TLE2: variants seen among roughly 807,000 people sequenced by gnomAD.
TLE2 encodes transducin-like enhancer protein 2.
In TLE2, 74 loss-of-function variants were observed where a neutral mutation model predicts 97.2. That is an observed-to-expected ratio of 0.76 (90% CI 0.63 to 0.92). The LOEUF is 0.92. Among genes scored for constraint, TLE2 ranks in the 40% least tolerant of loss-of-function variants. TLE2 has a pLI of 0.00. For missense variants in TLE2, 1,038 were observed against 1,008.7 expected (o/e 1.03, Z -0.39); for synonymous variants, 499 against 432.1 (o/e 1.15, Z -1.92).
chr19:3,041,111 C>T (rs2090100460), intron 1 of TLE2, among the ~76,000 whole-genome samples: 1 of 143,498 alleles, frequency 7.0e-6, no homozygotes, highest in Admixed American at 7.2e-5. Context: ...ACTGCAACCT[C>T]CACCTCCCAG....
chr19:3,003,508 G>T (rs1489173067), intron 17 of TLE2, among the ~76,000 whole-genome samples: 1 of 152,028 alleles, frequency 6.6e-6, no homozygotes, highest in Non-Finnish European at 1.5e-5. Context: ...CGTGGCTGCA[G>T]GCACCTGTAA....
In TLE2 at chr19:3,019,486, G is replaced by C. The variant is rs2089792923; in HGVS notation, c.370-23C>G. The C allele has an allele frequency of 1.3e-6, 2 of 1,495,100 alleles. No homozygotes were observed. The highest frequency in any genetic ancestry group is 1.8e-6 in the Non-Finnish European group (2 of 1,126,106). 92.6% of individuals were successfully genotyped at this position (1,495,100 alleles called of 1,614,324 possible). A position where few individuals can be genotyped will look rare whatever the true frequency, so the allele number is the denominator to read the frequency against. On this transcript the variant is annotated intron_variant, in intron 6 of 19. Transcript: ENST00000262953. This position sits in a 1 kb window ranked among gnomAD's most constrained non-coding sequence, Gnocchi z 5.1. ...CTGCTGCTAGAAAGGAGGCAGGATG[G>C]GCCGGGGCGGGGGGCGGCAGGAGCC...
intron 1 of TLE2, among the ~76,000 whole-genome samples, chr19:3,034,805 C>T (rs2090050553): frequency 6.6e-6 from 1 of 152,066 alleles, no homozygotes; most frequent in African/African-American, 2.4e-5. Context: ...TAGAGAAGAT[C>T]CAGCCCTAGG....
chr19:3,022,356 C>T (rs4806894), intron 5 of TLE2, among the ~76,000 whole-genome samples: 1 of 151,612 alleles, frequency 6.6e-6, no homozygotes, highest in African/African-American at 2.4e-5. Flanking sequence ...ACCACCCCCC[C>T]ACCCCATCTA....
chr19:3,044,577 G>T (rs542627994), intron 1 of TLE2, among the ~76,000 whole-genome samples: 2 of 152,114 alleles, frequency 1.3e-5, no homozygotes, highest in Non-Finnish European at 2.9e-5. Flanking sequence ...GCGCCACCAC[G>T]CCCGGCTAAT....
Position 3,009,582 on chromosome 19 carries a change from G to A in TLE2, c.1133C>T (p.Pro378Leu), listed in dbSNP as rs1161117662. The A allele has an allele frequency of 6.2e-7, 1 of 1,613,466 alleles. No homozygotes were observed. The change falls in exon 13 of 20, where the codon CCC (proline) becomes CTC (leucine). Residue 378 changes from proline to leucine, a missense_variant. Transcript: ENST00000262953. Reference protein sequence around the residue: ...PSSYVSLHLSPQVSSSVVYGR... With the variant: ...PSSYVSLHLSLQVSSSVVYGR... ...GTACACCACAGAGCTGCTGACCTGG[G>A]GGGACAGGTGGAGGCTGACGTAGGA...
chr19:3,019,962 G>T lies in TLE2; in HGVS notation c.295-189C>A. The T allele has an allele frequency of 1.3e-6, 1 of 779,886 alleles. No individual in the cohort carries two copies. The highest frequency in any genetic ancestry group is 2.0e-6 in the Non-Finnish European group (1 of 498,476). 48.3% of individuals were successfully genotyped at this position (779,886 alleles called of 1,614,324 possible). A position where few individuals can be genotyped will look rare whatever the true frequency, so the allele number is the denominator to read the frequency against. ...ATTTTGAAATAAGCACACGGAGAAA[G>T]AAACCAAACCTAAGTGCAGGTAGAA... is the stretch of plus-strand genomic sequence containing the variant. On this transcript the variant is annotated intron_variant, in intron 5 of 19. Transcript: ENST00000262953. The surrounding 1 kb of genome is among the most constrained non-coding windows in gnomAD (Gnocchi z 5.1).
At chr19:2,999,315 G>A (rs545748188) in intron 19 of TLE2, among the ~76,000 whole-genome samples, 11 of 151,788 alleles carry the variant, frequency 7.2e-5, no homozygotes, top group South Asian at 4.2e-4. Flanking sequence ...CAACCAGGAC[G>A]GGCATATTAA....
At position 3,009,776 on chromosome 19, in the gene TLE2, C is replaced by T. The variant is rs535494443; in HGVS notation, c.1013-74G>A. 4 of 1,519,160 alleles carry T rather than the reference C, an allele frequency of 2.6e-6. No individual in the cohort carries two copies. The East Asian group carries it at 7.4e-5, about 28-fold the overall frequency. The allele number at this position is 1,519,160 out of a possible 1,614,324, so 94.1% of individuals were successfully genotyped here. On this transcript the variant is annotated intron_variant, in intron 12 of 19. Transcript: ENST00000262953. ...CCGCCTCCCACTGCCTTGGGAGCTC[C>T]CTGGCCTTTCATTTAGAGTTTCCAT...
At position 3,043,889 on chromosome 19, in the gene TLE2, CAGG is replaced by C. The variant is rs770137960; in HGVS notation, c.63+1834_63+1836del. ...ATCCCAGTTACTCGGGAGGCTGAGG[CAGG>C]AGAATTGCTTGAACCCAGGGGGCAG... On this transcript the variant is annotated intron_variant, in intron 1 of 18. Transcript: ENST00000426948. Among the ~76,000 whole-genome samples, 14 of 152,218 alleles carry C rather than the reference CAGG, an allele frequency of 9.2e-5. 2 individuals carry two copies. The South Asian group carries it at 2.9e-3, about 32-fold the overall frequency.
chr19:3,013,155 C>G (rs1161847299), intron 11 of TLE2, among the ~76,000 whole-genome samples: 2 of 152,120 alleles, frequency 1.3e-5, no homozygotes, highest in East Asian at 3.9e-4. Context: ...GCAAAAGGAG[C>G]TGAATTTCTA....
rs908755681 is a variant in TLE2, at chr19:3,023,910, AAGAAAAG to A, written c.294+1103_294+1109del. On this transcript the variant is annotated intron_variant, in intron 5 of 19. Transcript: ENST00000262953. ...CCATCACACACACACACACACACAA[AAGAAAAG>A]AAAAAGAAAAAAGAAACAGGGACTG... Among the ~76,000 whole-genome samples, 93 of 104,050 alleles carry A rather than the reference AAGAAAAG, an allele frequency of 8.9e-4. 1 individual carries two copies. Among genetic ancestry groups the A allele is most frequent in the African/African-American group, 3.9e-3 (78 of 20,052 alleles). 68.3% of individuals were successfully genotyped at this position (104,050 alleles called of 152,430 possible).
chr19:3,015,517 C>T lies in TLE2; in HGVS notation c.678+136G>A, dbSNP rs534704047. Reference sequence around the variant, plus strand: ...CAGGATCTCCTCTGATTGGTCAGTACTCTGAGTAGTAGGGAGCTATGGGAG... The same window carrying T: ...CAGGATCTCCTCTGATTGGTCAGTATTCTGAGTAGTAGGGAGCTATGGGAG... On this transcript the variant is annotated intron_variant, in intron 9 of 19. Coordinates refer to ENST00000262953, the MANE Select transcript of TLE2 (RefSeq NM_003260.5). 86 of 669,986 alleles carry T rather than the reference C, an allele frequency of 1.3e-4. No individual in the cohort carries two copies. In the South Asian group the frequency reaches 1.4e-3, roughly 11 times the overall value. The allele number at this position is 669,986 out of a possible 1,614,324, so 41.5% of individuals were successfully genotyped here.
chr19:3,040,819 T>C (rs1489363029), intron 1 of TLE2, among the ~76,000 whole-genome samples: 1 of 150,674 alleles, frequency 6.6e-6, no homozygotes, highest in Non-Finnish European at 1.5e-5. Flanking sequence ...TTAGATTTTG[T>C]AGAGATGGGG....
Position 3,015,721 on chromosome 19 carries a change from C to A in TLE2, c.610G>T (p.Glu204Ter). The A allele has an allele frequency of 6.2e-7, 1 of 1,611,388 alleles. No homozygotes were observed. The highest frequency in any genetic ancestry group is 8.5e-7 in the Non-Finnish European group (1 of 1,179,322). The part of the protein sequence containing the change: ...PSPPESLVEE[E>*]RPSGPGGGGK... ...CCACCACCAGGGCCACTCGGTCGCT[C>A]CTCCTCCACGAGACTCTCAGGGGGC... Residue 204 changes from glutamate (E) to a stop codon, truncating the protein, a stop_gained, in exon 9 of 20, where the codon GAG (glutamate) becomes TAG (stop). Transcript: ENST00000262953. LOFTEE classifies it high-confidence loss of function.
intron 1 of TLE2, among the ~76,000 whole-genome samples, chr19:3,042,242 A>T (rs1310310155): frequency 1.0e-5 from 1 of 95,992 alleles, no homozygotes; most frequent in East Asian, 3.8e-4. Flanking sequence ...AGGAGGGGAG[A>T]GGAGGAGGCC....
chr19:3,019,215 C>G lies in TLE2; in HGVS notation c.550+68G>C. On this transcript the variant is annotated intron_variant, in intron 7 of 19. Transcript: ENST00000262953. The surrounding 1 kb of genome is among the most constrained non-coding windows in gnomAD (Gnocchi z 5.1). ...ATCCCCTCACGCTGATGTTTGCTACCCTGGACTGCCAGTCGTCCTCCCCAG... is the reference window on the plus strand; with the variant it reads ...ATCCCCTCACGCTGATGTTTGCTACGCTGGACTGCCAGTCGTCCTCCCCAG... 6.5e-7 allele frequency: 1 copy of G among 1,529,320 alleles called. No individual in the cohort carries two copies. Among genetic ancestry groups the G allele is most frequent in the Non-Finnish European group, 8.7e-7 (1 of 1,142,970 alleles). The allele number at this position is 1,529,320 out of a possible 1,614,324, so 94.7% of individuals were successfully genotyped here.
upstream of TLE2, among the ~76,000 whole-genome samples, chr19:3,031,371 T>C (rs1349894534): frequency 8.6e-6 from 1 of 116,394 alleles, no homozygotes; most frequent in Non-Finnish European, 1.9e-5. Context: ...TGTGTGTGTG[T>C]GTGTGTGTGT....
chr19:3,000,824 CTTTT>C, intron 18 of TLE2, 101 bp from the exon 19 acceptor site: 321 of 504,234 alleles, frequency 6.4e-4, no homozygotes, highest in Non-Finnish European at 7.1e-4. Context: ...TGGCCTCTCC[CTTTT>C]TTTTTTTTTT....
Sources: allele counts gnomAD v4.1 joint callset (sites outside exome capture counted in the v4.1 genomes callset), GRCh38; gene constraint gnomAD v4.1.1; non-coding constraint Gnocchi (gnomAD v3.1); transcripts MANE v1.5; gene names NCBI Gene and HGNC (gene_info 2026-07-23, HGNC 2026-07-21).